Variants in NID1 observed in about 807,000 individuals in gnomAD.
NID1 encodes nidogen 1, also known as nidogen-1.
NID1 carries 76 observed loss-of-function variants against 130.6 expected under a neutral mutation model. The observed-to-expected ratio is 0.58, with a 90% CI of 0.48 to 0.70. The LOEUF (loss-of-function observed/expected upper bound fraction) is 0.70, where lower values mean the gene tolerates loss of function less well. NID1 is among the 30% of genes least tolerant of loss of function. The probability of loss-of-function intolerance (pLI) is 0.00; values close to 1 mark genes in which losing one functional copy is unlikely to be tolerated. For synonymous variants in NID1, 665 were observed against 675.1 expected, an observed-to-expected ratio of 0.98 and a Z score of 0.23; for missense variants, 1,517 against 1,664.8, an observed-to-expected ratio of 0.91 and a Z score of 1.54.
intron 10 of NID1, among the ~76,000 whole-genome samples, chr1:236,015,889 C>A (rs1214032359): frequency 6.6e-6 from 1 of 152,018 alleles, no homozygotes; most frequent in East Asian, 1.9e-4. Flanking sequence ...TGTCTTGCAT[C>A]CCAGCCTGCC....
intron 1 of NID1, among the ~76,000 whole-genome samples, chr1:236,061,442 G>C (rs72765471): frequency 2.6e-5 from 4 of 151,992 alleles, no homozygotes; most frequent in African/African-American, 9.7e-5. Context: ...ATACAGCTTC[G>C]TTTATGAAGG....
chr1:236,030,226 C>G (rs919623555), intron 6 of NID1, among the ~76,000 whole-genome samples: 4 of 152,144 alleles, frequency 2.6e-5, no homozygotes, highest in African/African-American at 9.7e-5. Flanking sequence ...TCGTGGCAAA[C>G]CATTCCCAGT....
chr1:236,038,855 ATATAGGT>A (rs1222120753), intron 4 of NID1, among the ~76,000 whole-genome samples: 10 of 128,930 alleles, frequency 7.8e-5, no homozygotes, highest in African/African-American at 3.3e-4. Flanking sequence ...TACCTATGTT[ATATAGGT>A]CATATATAAT....
chr1:236,051,279 T>G (rs1345144157), intron 1 of NID1, among the ~76,000 whole-genome samples: 11 of 17,718 alleles, frequency 6.2e-4, no homozygotes, highest in African/African-American at 2.4e-3. Context: ...CCCCCTCCCC[T>G]CCCTCCTCCT....
chr1:236,006,747 G>T (rs1477976545), intron 12 of NID1, among the ~76,000 whole-genome samples: 1 of 152,174 alleles, frequency 6.6e-6, no homozygotes, highest in African/African-American at 2.4e-5. Context: ...GGCAGGTGGG[G>T]CTCCTGGGGC....
chr1:236,023,650 TA>T (rs1205789464), intron 9 of NID1, among the ~76,000 whole-genome samples: 1 of 151,814 alleles, frequency 6.6e-6, no homozygotes, highest in Non-Finnish European at 1.5e-5. Context: ...TTTTTTTTTT[TA>T]AAAAGGAACA....
intron 14 of NID1, among the ~76,000 whole-genome samples, 189 bp from the exon 15 acceptor site, chr1:235,985,694 A>G (rs537001464): frequency 6.6e-6 from 1 of 152,158 alleles, no homozygotes; most frequent in Non-Finnish European, 1.5e-5. Flanking sequence ...TGTCATATAC[A>G]CATATATGCA....
intron 4 of NID1, among the ~76,000 whole-genome samples, chr1:236,041,096 A>T (rs1659437741): frequency 6.7e-6 from 1 of 149,218 alleles, no homozygotes; most frequent in Non-Finnish European, 1.5e-5. Flanking sequence ...CGAGGCAGAG[A>T]CTCACTCTGT....
At chr1:236,032,744 A>G in intron 5 of NID1, 92 bp from the exon 6 acceptor site, 3 of 1,495,608 alleles carry the variant, frequency 2.0e-6, no homozygotes, top group Non-Finnish European at 2.7e-6. Flanking sequence ...CTATTGGTGA[A>G]GAAAGCAAAG....
At chr1:236,026,237 G>A (rs1027547727) in intron 7 of NID1, 96 bp from the exon 8 acceptor site, 2 of 1,499,022 alleles carry the variant, frequency 1.3e-6, no homozygotes, top group Non-Finnish European at 1.8e-6. Flanking sequence ...CAAGGCACCA[G>A]TGGTATTCCC....
At chr1:235,987,300 C>G (rs538951650) in intron 14 of NID1, among the ~76,000 whole-genome samples, 1 of 152,326 alleles carries the variant, frequency 6.6e-6, no homozygotes, top group African/African-American at 2.4e-5. Flanking sequence ...AAGCAACCAC[C>G]TCAAAACAAG....
At chr1:236,024,265 G>GT (rs1247033066) in intron 8 of NID1, 52 bp from the exon 9 acceptor site, 1 of 1,597,934 alleles carries the variant, frequency 6.3e-7, no homozygotes, top group Non-Finnish European at 8.5e-7. Context: ...GCTCTTGCAG[G>GT]TTTCCTCCTT....
At chr1:236,009,208 G>A (rs1201119997) in intron 12 of NID1, among the ~76,000 whole-genome samples, 1 of 152,152 alleles carries the variant, frequency 6.6e-6, no homozygotes, top group Non-Finnish European at 1.5e-5. Flanking sequence ...TGGCCTTAGT[G>A]GTGCCCTTAT....
chr1:235,991,506 T>C (rs557342590), intron 13 of NID1, among the ~76,000 whole-genome samples: 14 of 152,254 alleles, frequency 9.2e-5, no homozygotes, highest in African/African-American at 2.9e-4. Flanking sequence ...TTAATTTTTG[T>C]ATTTTTAGCA....
intron 12 of NID1, among the ~76,000 whole-genome samples, chr1:236,004,049 A>AAC (rs1553342854): frequency 6.6e-6 from 1 of 150,602 alleles, no homozygotes; most frequent in Non-Finnish European, 1.5e-5. Context: ...AAAAAAAAAA[A>AAC]CAAGAAGAAA....
At chr1:235,994,181 C>T (rs1298588323) in intron 12 of NID1, among the ~76,000 whole-genome samples, 1 of 152,124 alleles carries the variant, frequency 6.6e-6, no homozygotes, top group Non-Finnish European at 1.5e-5. Flanking sequence ...TACTTTTTTG[C>T]GATGGCGTTT....
In NID1 at chr1:235,977,638, G is replaced by GGTAGGGGTGGAGGGTTCTGCCCTTGT; in HGVS notation, c.*228_*229insACAAGGGCAGAACCCTCCACCCCTAC. On this transcript the variant is annotated 3_prime_UTR_variant, in exon 20 of 20. Coordinates refer to ENST00000264187, the MANE Select transcript of NID1 (RefSeq NM_002508.3). ...TGTATAAGTCTGTCTGAGGGTTGGG[G>GGTAGGGGTGGAGGGTTCTGCCCTTGT]GTAGGGGTGGAGGGTTCTGTCCTTG... is the stretch of plus-strand genomic sequence containing the variant. 2 of 512,636 alleles carry GGTAGGGGTGGAGGGTTCTGCCCTTGT rather than the reference G, an allele frequency of 3.9e-6. No individual in the cohort carries two copies. The allele number at this position is 512,636 out of a possible 1,614,324, so 31.8% of individuals were successfully genotyped here.
chr1:235,991,156 C>G, intron 13 of NID1, 98 bp from the exon 14 acceptor site: 1 of 996,780 alleles, frequency 1.0e-6, no homozygotes, highest in Non-Finnish European at 1.4e-6. Context: ...CATGCACACA[C>G]ATACACACAC....
chr1:236,029,442 C>T lies in NID1; in HGVS notation c.1738+108G>A, dbSNP rs1277756330. ...GTGACTGTAAGGCCCGGTGTATTTC[C>T]CTCTCCAGATCCCAGAGACAGCCCC... On this transcript the variant is annotated intron_variant, in intron 7 of 19. Transcript: ENST00000264187. The T allele has an allele frequency of 3.8e-6, 4 of 1,055,296 alleles. No homozygotes were observed. The South Asian group carries it at 5.9e-5, about 16-fold the overall frequency. 65.4% of individuals were successfully genotyped at this position (1,055,296 alleles called of 1,614,324 possible).
Sources: gnomAD v4.1 joint callset for allele counts (sites outside exome capture counted in the v4.1 genomes callset) on GRCh38, gnomAD v4.1.1 for gene constraint, MANE v1.5 for transcripts, NCBI Gene and HGNC (gene_info 2026-07-23, HGNC 2026-07-21) for gene names.